ATF1: variants seen among roughly 807,000 people sequenced by gnomAD.
ATF1 encodes cyclic AMP-dependent transcription factor ATF-1.
Under a neutral mutation model 34.7 loss-of-function variants are expected in ATF1, and 16 were observed. The ratio of observed to expected loss-of-function variants is 0.46; its 90% confidence interval spans 0.31 to 0.70. ATF1 has a LOEUF of 0.70. Among genes scored for constraint, ATF1 ranks in the 30% least tolerant of loss-of-function variants. ATF1 has a pLI of 0.05. For missense variants in ATF1, 255 were observed against 321.6 expected, an observed-to-expected ratio of 0.79 and a Z score of 1.58; for synonymous variants, 105 against 113.1, an observed-to-expected ratio of 0.93 and a Z score of 0.46.
chr12:50,767,954 C>T (rs113923834), intron 1 of ATF1, among the ~76,000 whole-genome samples: 38,485 of 151,100 alleles, frequency 0.25, 5,472 homozygotes, highest in Non-Finnish European at 0.32. Flanking sequence ...CTCACTGCAA[C>T]CTCCGCCTCC....
intron 3 of ATF1, among the ~76,000 whole-genome samples, chr12:50,804,883 C>G (rs1210576162): frequency 6.6e-6 from 1 of 151,048 alleles, no homozygotes; most frequent in Non-Finnish European, 1.5e-5. Flanking sequence ...GCGATCTTGG[C>G]TTACTGCAAC....
At chr12:50,771,306 A>G (rs1940764335) in intron 1 of ATF1, among the ~76,000 whole-genome samples, 1 of 152,040 alleles carries the variant, frequency 6.6e-6, no homozygotes, top group Admixed American at 6.6e-5. Context: ...TACCCAGCCT[A>G]TTTTGCTTTA....
At chr12:50,784,820 A>T (rs1403285102) in intron 2 of ATF1, among the ~76,000 whole-genome samples, 2 of 152,116 alleles carry the variant, frequency 1.3e-5, no homozygotes, top group African/African-American at 2.4e-5. Context: ...GATTCTGGAT[A>T]TATATTGGTT....
chr12:50,795,969 C>T lies in ATF1; in HGVS notation c.154C>T (p.Gln52Ter). The part of the protein sequence containing the change: ...QDSSDSIGSS[Q>*]KAHGILARRP... ...CTCATCCGACAGCATAGGCTCCTCA[C>T]AGAAAGCCCACGGGATCCTAGCACG... Residue 52 changes from glutamine (Q) to a stop codon, truncating the protein, a stop_gained, in exon 3 of 7, where the codon CAG becomes TAG. Transcript: ENST00000262053. LOFTEE classifies it high-confidence loss of function. The T allele has an allele frequency of 6.2e-7, 1 of 1,612,930 alleles. No homozygotes were observed. Among genetic ancestry groups the T allele is most frequent in the Non-Finnish European group, 8.5e-7 (1 of 1,179,746 alleles).
intron 1 of ATF1, among the ~76,000 whole-genome samples, chr12:50,779,137 A>G (rs1274918008): frequency 6.6e-6 from 1 of 152,200 alleles, no homozygotes. Flanking sequence ...ATGTACAGTC[A>G]CTATTTTATT....
upstream of ATF1, among the ~76,000 whole-genome samples, chr12:50,763,911 A>G (rs1202106235): frequency 1.3e-5 from 2 of 151,972 alleles, no homozygotes; most frequent in Non-Finnish European, 2.9e-5. Context: ...GTTCCGAGGA[A>G]CCCCTAGCCA....
At chr12:50,794,308 T>TG (rs1941367095) in intron 2 of ATF1, among the ~76,000 whole-genome samples, 1 of 150,402 alleles carries the variant, frequency 6.6e-6, no homozygotes, top group South Asian at 2.2e-4. Flanking sequence ...GGCTCACACT[T>TG]GCAATCCCAG....
At chr12:50,771,499 G>A (rs958518516) in intron 1 of ATF1, among the ~76,000 whole-genome samples, 42 of 152,050 alleles carry the variant, frequency 2.8e-4, no homozygotes, top group African/African-American at 9.9e-4. Context: ...GACCCTCATA[G>A]GCAGGCAGGA....
Position 50,820,281 on chromosome 12 carries a change from CTTG to C in ATF1, c.*505_*507del, listed in dbSNP as rs1258601493. 1.0e-5 allele frequency: 2 copies of C among 190,668 alleles called. No individual in the cohort carries two copies. The highest frequency in any genetic ancestry group is 4.7e-5 in the African/African-American group (2 of 42,994). The allele number at this position is 190,668 out of a possible 1,614,324, so 11.8% of individuals were successfully genotyped here. A position where few individuals can be genotyped will look rare whatever the true frequency, so the allele number is the denominator to read the frequency against. On this transcript the variant is annotated 3_prime_UTR_variant, in exon 7 of 7. Coordinates refer to ENST00000262053, the MANE Select transcript of ATF1 (RefSeq NM_005171.5). ...AAAGTATATGTTCTGATTATGTATA[CTTG>C]TTCTAGTGTCAAGTCTTTTTAAGTG...
intron 6 of ATF1, among the ~76,000 whole-genome samples, chr12:50,816,894 G>A (rs1029597236): frequency 6.6e-6 from 1 of 152,054 alleles, no homozygotes; most frequent in Non-Finnish European, 1.5e-5. Flanking sequence ...CACACAAGTA[G>A]TTAATAATCA....
In ATF1 at chr12:50,788,473, A is replaced by C. The variant is rs562324254; in HGVS notation, c.94-7436A>C. ...AGTGCAGTGCTGGTATGCGTGAGCC[A>C]CTGCACCTGGCCCTGTTTTTTTTTT... On this transcript the variant is annotated intron_variant, in intron 2 of 6. Transcript: ENST00000262053. The C allele has an allele frequency of 1.2e-4, 27 of 227,374 alleles. No individual in the cohort carries two copies. The South Asian group carries it at 1.2e-3, about 10-fold the overall frequency. The allele number at this position is 227,374 out of a possible 1,614,324, so 14.1% of individuals were successfully genotyped here.
At chr12:50,781,006 G>T (rs566893644) in intron 2 of ATF1, among the ~76,000 whole-genome samples, 6 of 151,872 alleles carry the variant, frequency 4.0e-5, no homozygotes, top group Non-Finnish European at 8.8e-5. Flanking sequence ...AAGCAAAAAA[G>T]ACTGTATAAA....
At chr12:50,800,238 G>A (rs1941486463) in intron 3 of ATF1, among the ~76,000 whole-genome samples, 1 of 152,126 alleles carries the variant, frequency 6.6e-6, no homozygotes, top group Admixed American at 6.5e-5. Flanking sequence ...TTATCTCCTG[G>A]GTCTTGGCAC....
At chr12:50,811,732 C>T (rs146110257) in intron 4 of ATF1, among the ~76,000 whole-genome samples, 3 of 151,734 alleles carry the variant, frequency 2.0e-5, no homozygotes, top group East Asian at 1.9e-4. Flanking sequence ...TCGAAGTTAC[C>T]GTGAACCGTG....
chr12:50,815,115 C>CT (rs1388118885), intron 6 of ATF1, among the ~76,000 whole-genome samples: 1 of 151,654 alleles, frequency 6.6e-6, no homozygotes, highest in Non-Finnish European at 1.5e-5. Flanking sequence ...GAGTGAGACT[C>CT]TGTCTCAAAA....
chr12:50,766,692 G>T (rs1477929996), intron 1 of ATF1, among the ~76,000 whole-genome samples: 2 of 143,720 alleles, frequency 1.4e-5, no homozygotes, highest in African/African-American at 5.2e-5. Flanking sequence ...GAGCTGATGG[G>T]ACTGCTGGAA....
Position 50,782,554 on chromosome 12 carries a change from C to CTT in ATF1, c.93+2335_93+2336dup, listed in dbSNP as rs1192258164. 2.7e-3 allele frequency among the ~76,000 whole-genome samples: 335 copies of CTT among 124,868 alleles called. 11 individuals are homozygous for CTT. The highest frequency in any genetic ancestry group is 5.1e-3 in the Middle Eastern group (1 of 196). The allele number at this position is 124,868 out of a possible 152,430, so 81.9% of individuals were successfully genotyped here. The stretch of plus-strand genomic sequence containing the variant: ...ACAGGCCTGAGCCACCACACCCGGC[C>CTT]TTTTTTTTTTTTTTTTTTTTAGTAG... On this transcript the variant is annotated intron_variant, in intron 2 of 6. Coordinates refer to ENST00000262053, the MANE Select transcript of ATF1 (RefSeq NM_005171.5).
intron 2 of ATF1, among the ~76,000 whole-genome samples, chr12:50,781,885 A>G (rs895799916): frequency 1.4e-5 from 2 of 147,864 alleles, no homozygotes; most frequent in African/African-American, 2.5e-5. Flanking sequence ...ACTGCACTCC[A>G]GCCTGGGTGA....
chr12:50,765,324 C>T lies in ATF1; in HGVS notation c.-7+1017C>T, dbSNP rs553296351. Among the ~76,000 whole-genome samples the T allele has an allele frequency of 2.6e-5, 4 of 152,258 alleles. No homozygotes were observed. In the East Asian group the frequency reaches 7.7e-4, roughly 29 times the overall value. On this transcript the variant is annotated intron_variant, in intron 1 of 6. Coordinates refer to ENST00000262053, the MANE Select transcript of ATF1 (RefSeq NM_005171.5). Reference sequence around the variant, plus strand: ...TGGAGTTTATCATATGCAGTTATCTCCGTGTCTTAATTAGAATCAATACTG... The same window carrying T: ...TGGAGTTTATCATATGCAGTTATCTTCGTGTCTTAATTAGAATCAATACTG...
Sources: allele counts gnomAD v4.1 joint callset (sites outside exome capture counted in the v4.1 genomes callset), GRCh38; gene constraint gnomAD v4.1.1; transcripts MANE v1.5; gene names NCBI Gene and HGNC (gene_info 2026-07-23, HGNC 2026-07-21).